RPTOR: variants seen among roughly 807,000 people sequenced by gnomAD.
RPTOR encodes the protein regulatory-associated protein of mTOR.
A neutral mutation model predicts 169.9 loss-of-function variants in RPTOR; 21 were observed. That is an observed-to-expected ratio of 0.12 (90% CI 0.09 to 0.18). The LOEUF is 0.18. Ranked by LOEUF, RPTOR falls within the 10% of genes least tolerant of loss-of-function variation. The pLI is 1.00. For missense variants in RPTOR, 1,133 were observed against 1,855.9 expected (o/e 0.61, Z 7.16); for synonymous variants, 732 against 753.2 (o/e 0.97, Z 0.46).
chr17:80,954,897 A>G (rs1482646486), intron 28 of RPTOR, among the ~76,000 whole-genome samples: 1 of 152,210 alleles, frequency 6.6e-6, no homozygotes, highest in Non-Finnish European at 1.5e-5. Context: ...AGCCTGGGCA[A>G]AAGTGTGAGA....
At chr17:80,843,494 C>T (rs560245949) in intron 10 of RPTOR, among the ~76,000 whole-genome samples, 1 of 151,964 alleles carries the variant, frequency 6.6e-6, no homozygotes, top group East Asian at 1.9e-4. Flanking sequence ...GTAGAAAGCT[C>T]GGGCTAATTG....
At chr17:80,616,505 G>T (rs943131597) in intron 1 of RPTOR, among the ~76,000 whole-genome samples, 1 of 152,056 alleles carries the variant, frequency 6.6e-6, no homozygotes, top group Non-Finnish European at 1.5e-5. Context: ...CACCATATTC[G>T]CCAGGCTGGT....
chr17:80,779,906 G>C (rs1298248198), intron 6 of RPTOR, among the ~76,000 whole-genome samples: 1 of 152,176 alleles, frequency 6.6e-6, no homozygotes, highest in African/African-American at 2.4e-5. Flanking sequence ...TTCTCGGGGT[G>C]CTCTTCCTTA....
intron 6 of RPTOR, among the ~76,000 whole-genome samples, chr17:80,762,045 C>T (rs1046342492): frequency 6.6e-6 from 1 of 152,186 alleles, no homozygotes; most frequent in African/African-American, 2.4e-5. Context: ...CAGGCCGTTT[C>T]CAGAGGAAAA....
At chr17:80,749,896 G>A (rs926752132) in intron 5 of RPTOR, among the ~76,000 whole-genome samples, 4 of 151,924 alleles carry the variant, frequency 2.6e-5, no homozygotes, top group African/African-American at 4.8e-5. Context: ...ACAACTTTTT[G>A]TAGAGACAGG....
At chr17:80,900,263 G>A (rs1167403374) in intron 20 of RPTOR, among the ~76,000 whole-genome samples, 1 of 151,980 alleles carries the variant, frequency 6.6e-6, no homozygotes, top group Non-Finnish European at 1.5e-5. Context: ...CCTGGTGGTC[G>A]CAGCTCTCTC....
intron 14 of RPTOR, among the ~76,000 whole-genome samples, chr17:80,882,352 A>T (rs1396765040): frequency 6.6e-6 from 1 of 152,242 alleles, no homozygotes; most frequent in Non-Finnish European, 1.5e-5. Flanking sequence ...TCGTACATAG[A>T]CGCATCATAA....
chr17:80,955,782 G>A (rs1004657596), intron 28 of RPTOR, among the ~76,000 whole-genome samples: 1 of 152,052 alleles, frequency 6.6e-6, no homozygotes, highest in African/African-American at 2.4e-5. Context: ...GAATGAAATG[G>A]CCTTCCCTGG....
chr17:80,560,896 G>T (rs996121141), intron 1 of RPTOR, among the ~76,000 whole-genome samples: 15 of 147,058 alleles, frequency 1.0e-4, no homozygotes, highest in African/African-American at 3.7e-4. Context: ...ACTGTTTGTT[G>T]AGTCAAGGAA....
intron 1 of RPTOR, among the ~76,000 whole-genome samples, chr17:80,561,263 GTATATATATATA>G: frequency 5.1e-5 from 1 of 19,640 alleles, no homozygotes; most frequent in African/African-American, 9.1e-5. Flanking sequence ...ATATATATAT[GTATATATATATA>G]TATATATATA....
intron 9 of RPTOR, among the ~76,000 whole-genome samples, chr17:80,828,651 G>T (rs568735545): frequency 6.6e-6 from 1 of 152,306 alleles, no homozygotes; most frequent in South Asian, 2.1e-4. Flanking sequence ...CAGCCTCTTT[G>T]CCCCACAACC....
chr17:80,836,850 G>A (rs1261155256), intron 9 of RPTOR, among the ~76,000 whole-genome samples: 1 of 152,222 alleles, frequency 6.6e-6, no homozygotes, highest in Non-Finnish European at 1.5e-5. Context: ...CCAGGAACTG[G>A]CCTGGAGGTG....
At chr17:80,610,897 G>A (rs974946157) in intron 1 of RPTOR, among the ~76,000 whole-genome samples, 2 of 152,198 alleles carry the variant, frequency 1.3e-5, no homozygotes, top group Admixed American at 6.5e-5. Context: ...ATTGTTGCAC[G>A]TCTGCTTTTC....
At chr17:80,956,478 GC>G (rs944067165) in intron 28 of RPTOR, among the ~76,000 whole-genome samples, 1 of 152,268 alleles carries the variant, frequency 6.6e-6, no homozygotes, top group African/African-American at 2.4e-5. Flanking sequence ...TCGGGAGTCA[GC>G]CCCTTGCTGT....
chr17:80,625,933 C>A (rs1006606493), intron 2 of RPTOR, 140 bp downstream of exon 2: 1 of 632,364 alleles, frequency 1.6e-6, no homozygotes, highest in Non-Finnish European at 2.8e-6. Context: ...TCTGGAGTCA[C>A]ATCACCTTTG....
At chr17:80,771,871 G>A (rs2066847061) in intron 6 of RPTOR, among the ~76,000 whole-genome samples, 2 of 152,242 alleles carry the variant, frequency 1.3e-5, no homozygotes, top group East Asian at 1.9e-4. Flanking sequence ...CCCAGCTGGT[G>A]CGTAGCGAGG....
intron 3 of RPTOR, among the ~76,000 whole-genome samples, chr17:80,696,551 G>A (rs112825281): frequency 6.6e-6 from 1 of 152,172 alleles, no homozygotes; most frequent in African/African-American, 2.4e-5. Flanking sequence ...AGAAGCAAGG[G>A]GCTGACTGGG....
Position 80,960,131 on chromosome 17 carries a change from C to T in RPTOR, c.3531C>T (p.His1177=), listed in dbSNP as rs777581212. ...SCVTSLSCDS[H]RSLIVAGLGD... is the part of the protein sequence containing the mutation. ...TGACGAGTCTGTCCTGTGATTCCCACCGCTCACTCATCGTGGCTGGCCTCG... is the reference window on the plus strand; with the variant it reads ...TGACGAGTCTGTCCTGTGATTCCCATCGCTCACTCATCGTGGCTGGCCTCG... The change falls in exon 30 of 34, where the codon CAC becomes CAT. Residue 1177 remains histidine (H), a synonymous_variant. Coordinates refer to ENST00000306801, the MANE Select transcript of RPTOR (RefSeq NM_020761.3). The surrounding 1 kb of genome is among the most constrained non-coding windows in gnomAD (Gnocchi z 4.8). 9 of 1,613,624 alleles carry T rather than the reference C, an allele frequency of 5.6e-6. No individual in the cohort carries two copies. The highest frequency in any genetic ancestry group is 5.9e-6 in the Non-Finnish European group (7 of 1,180,014).
rs147422762 is a variant in RPTOR at position 80,739,363 on chromosome 17, G to A, written c.654+8657G>A. 3.5e-4 allele frequency among the ~76,000 whole-genome samples: 53 copies of A among 152,312 alleles called. 1 individual carries two copies. Among genetic ancestry groups the A allele is most frequent in the Non-Finnish European group, 6.3e-4 (43 of 68,034 alleles). On this transcript the variant is annotated intron_variant, in intron 5 of 33. Coordinates refer to ENST00000306801, the MANE Select transcript of RPTOR (RefSeq NM_020761.3). ...TCACCCATCCTCTCCAGCATCACAC[G>A]ATAAGTCCGTCTGCGCAGAAGGCAA...
Sources: allele counts gnomAD v4.1 joint callset (sites outside exome capture counted in the v4.1 genomes callset), GRCh38; gene constraint gnomAD v4.1.1; non-coding constraint Gnocchi (gnomAD v3.1); transcripts MANE v1.5; gene names NCBI Gene and HGNC (gene_info 2026-07-23, HGNC 2026-07-21).